Variants in NPNT observed in about 807,000 individuals in gnomAD.
NPNT encodes the protein nephronectin.
A neutral mutation model predicts 68.6 loss-of-function variants in NPNT; 45 were observed. The ratio of observed to expected loss-of-function variants is 0.66; its 90% CI spans 0.52 to 0.84. NPNT has a LOEUF of 0.84. Ranked by LOEUF, NPNT falls within the 40% of genes least tolerant of loss-of-function variation. The pLI is 0.00. For synonymous variants in NPNT, 233 were observed against 253.3 expected, an observed-to-expected ratio of 0.92 and a Z score of 0.76; for missense variants, 672 against 714.8, an observed-to-expected ratio of 0.94 and a Z score of 0.68.
rs151258400 is a variant in NPNT, at chr4:105,945,500, G to A, written c.1159+2798G>A. On this transcript the variant is annotated intron_variant, in intron 8 of 11. Transcript: ENST00000379987. ...CAGCCTTTCTTATCCCAGGTAATGG[G>A]ACCTCTATCACCTGTTGCTAAGGTC... Among the ~76,000 whole-genome samples, 553 of 152,178 alleles carry A rather than the reference G, an allele frequency of 3.6e-3. 4 individuals carry two copies. The highest frequency in any genetic ancestry group is 6.1e-3 in the Non-Finnish European group (418 of 68,016).
chr4:105,939,634 T>C (rs1285749105), intron 5 of NPNT, among the ~76,000 whole-genome samples: 2 of 152,168 alleles, frequency 1.3e-5, no homozygotes, highest in Admixed American at 6.6e-5. Context: ...AGGAACTGTT[T>C]TGAGGCTTTT....
intron 2 of NPNT, among the ~76,000 whole-genome samples, chr4:105,908,677 C>T (rs1416250920): frequency 6.6e-6 from 1 of 151,876 alleles, no homozygotes; most frequent in South Asian, 2.1e-4. Flanking sequence ...GATTCTCCTG[C>T]CTCAGCCTCC....
chr4:105,962,068 TTTAG>T (rs1731763699), intron 10 of NPNT, among the ~76,000 whole-genome samples: 1 of 152,164 alleles, frequency 6.6e-6, no homozygotes, highest in South Asian at 2.1e-4. Context: ...GGTAGAAGAC[TTTAG>T]AGTTTTAGTG....
rs764541973 is a variant in NPNT at position 105,897,941 on chromosome 4, T to A, written c.112T>A (p.Tyr38Asn). 4 of 1,613,666 alleles carry A rather than the reference T, an allele frequency of 2.5e-6. No individual in the cohort carries two copies. Among genetic ancestry groups the A allele is most frequent in the Non-Finnish European group, 3.4e-6 (4 of 1,179,876 alleles). The change falls in exon 2 of 12, where the codon TAT becomes AAT. Residue 38 changes from tyrosine (Y) to asparagine (N), a missense_variant. By Grantham distance (143) the Tyr-to-Asn change is moderately radical (BLOSUM62 -2). Coordinates refer to ENST00000379987, the MANE Select transcript of NPNT (RefSeq NM_001033047.3). The stretch of plus-strand genomic sequence containing the variant: ...AGTGTCATCGATTGGCCTATGTCGT[T>A]ATGGTGGGAGGATTGACTGCTGCTG... ...QIVSSIGLCR[Y>N]GGRIDCCWGW...
intron 3 of NPNT, among the ~76,000 whole-genome samples, chr4:105,933,332 G>A (rs1341989632): frequency 2.0e-5 from 3 of 152,154 alleles, no homozygotes; most frequent in Non-Finnish European, 4.4e-5. Flanking sequence ...GGAAAGCTTT[G>A]TAGGAAAATA....
chr4:105,910,490 G>T (rs1351498173), intron 2 of NPNT, among the ~76,000 whole-genome samples: 1 of 147,272 alleles, frequency 6.8e-6, no homozygotes, highest in African/African-American at 2.7e-5. Flanking sequence ...TGTTTTAATG[G>T]GGTTTATACC....
At chr4:105,930,202 T>A (rs1410171375) in intron 3 of NPNT, among the ~76,000 whole-genome samples, 1 of 152,222 alleles carries the variant, frequency 6.6e-6, no homozygotes, top group Non-Finnish European at 1.5e-5. Flanking sequence ...GAAATCCTTT[T>A]TGTTGTCTCT....
At chr4:105,931,551 G>A (rs1038292037) in intron 3 of NPNT, among the ~76,000 whole-genome samples, 4 of 151,744 alleles carry the variant, frequency 2.6e-5, no homozygotes, top group Admixed American at 6.6e-5. Context: ...CCAGCCGGGC[G>A]CCGTGGCTCT....
chr4:105,937,549 T>C (rs1055006447), intron 4 of NPNT, among the ~76,000 whole-genome samples: 13 of 151,992 alleles, frequency 8.6e-5, no homozygotes, highest in Admixed American at 2.0e-4. Flanking sequence ...TCATAAATAT[T>C]TTCTTCATTT....
At chr4:105,935,246 G>A (rs1255271769) in intron 3 of NPNT, among the ~76,000 whole-genome samples, 1 of 152,104 alleles carries the variant, frequency 6.6e-6, no homozygotes, top group Non-Finnish European at 1.5e-5. Flanking sequence ...TTCTGTTTTT[G>A]TTTAGTGCAG....
At chr4:105,961,601 T>G (rs1731722317) in intron 10 of NPNT, among the ~76,000 whole-genome samples, 1 of 152,224 alleles carries the variant, frequency 6.6e-6, no homozygotes, top group African/African-American at 2.4e-5. Context: ...ATGTTTAAAT[T>G]TGTTGTGACC....
chr4:105,912,412 A>G, intron 2 of NPNT: 1 of 510,850 alleles, frequency 2.0e-6, no homozygotes, highest in Non-Finnish European at 3.3e-6. Flanking sequence ...AATTATAGTA[A>G]GTTAATTTTA....
chr4:105,959,523 CTTTT>C (rs1014448942), intron 10 of NPNT, among the ~76,000 whole-genome samples: 2 of 129,616 alleles, frequency 1.5e-5, no homozygotes, highest in Admixed American at 1.5e-4. Flanking sequence ...TTTTTCTTTT[CTTTT>C]TTTTTTTTTT....
rs371424664 is a variant in NPNT, at chr4:105,967,095, GAAAAA to G, written c.1346-82_1346-78del. On this transcript the variant is annotated intron_variant, in intron 10 of 11. Coordinates refer to ENST00000379987, the MANE Select transcript of NPNT (RefSeq NM_001033047.3). ...AATCTGGAATTCTTTACAAAGAAAA[GAAAAA>G]AAAAAAAAAACTAAAACTCCTGTCC... The G allele has an allele frequency of 5.8e-6, 6 of 1,035,870 alleles. No homozygotes were observed. The East Asian group carries it at 8.8e-5, about 15-fold the overall frequency. The allele number at this position is 1,035,870 out of a possible 1,614,324, so 64.2% of individuals were successfully genotyped here.
At chr4:105,931,976 A>G (rs1729150432) in intron 3 of NPNT, among the ~76,000 whole-genome samples, 1 of 152,178 alleles carries the variant, frequency 6.6e-6, no homozygotes, top group Non-Finnish European at 1.5e-5. Flanking sequence ...TTTGAGTCTC[A>G]CCCATCTTAT....
At chr4:105,940,707 G>C in intron 7 of NPNT, 71 bp downstream of exon 7, 1 of 1,266,956 alleles carries the variant, frequency 7.9e-7, no homozygotes. Context: ...CCATTGCTAG[G>C]GAAAATAAGG....
At chr4:105,965,665 C>T (rs1225888182) in intron 10 of NPNT, among the ~76,000 whole-genome samples, 2 of 152,068 alleles carry the variant, frequency 1.3e-5, no homozygotes, top group African/African-American at 4.8e-5. Flanking sequence ...TATAGTGAGA[C>T]ATGTAAATAT....
In NPNT at chr4:105,970,908, C is replaced by T. The variant is rs972105614; in HGVS notation, c.*1918C>T. 6 of 304,250 alleles carry T rather than the reference C, an allele frequency of 2.0e-5. No homozygotes were observed. The highest frequency in any genetic ancestry group is 4.5e-5 in the Admixed American group (1 of 22,266). The allele number at this position is 304,250 out of a possible 1,614,324, so 18.8% of individuals were successfully genotyped here. A position where few individuals can be genotyped will look rare whatever the true frequency, so the allele number is the denominator to read the frequency against. On this transcript the variant is annotated 3_prime_UTR_variant, in exon 12 of 12. Transcript: ENST00000379987. ...GGAAGAGCCCACCAAATGCTGAGCTCACTGAAATATCTCTCCCTTATGGCA... is the reference window on the plus strand; with the variant it reads ...GGAAGAGCCCACCAAATGCTGAGCTTACTGAAATATCTCTCCCTTATGGCA...
In NPNT at chr4:105,958,467, G is replaced by C. The variant is rs1560540150; in HGVS notation, c.1160-4G>C. ...CACAAAAACTCAAAACCTTTCTCTTGCAGTTCCACGGCAACCTTCAAATGA... is the reference window on the plus strand; with the variant it reads ...CACAAAAACTCAAAACCTTTCTCTTCCAGTTCCACGGCAACCTTCAAATGA... On this transcript the variant is annotated splice_region_variant and splice_polypyrimidine_tract_variant and intron_variant, in intron 8 of 11. Coordinates refer to ENST00000379987, the MANE Select transcript of NPNT (RefSeq NM_001033047.3). 1 of 1,596,082 alleles carries C rather than the reference G, an allele frequency of 6.3e-7. No homozygotes were observed. The highest frequency in any genetic ancestry group is 2.2e-5 in the East Asian group (1 of 44,652).
Sources: gnomAD v4.1 joint callset for allele counts (sites outside exome capture counted in the v4.1 genomes callset) on GRCh38, gnomAD v4.1.1 for gene constraint, MANE v1.5 for transcripts, NCBI Gene and HGNC (gene_info 2026-07-23, HGNC 2026-07-21) for gene names.